SPATA9: variants seen among roughly 807,000 people sequenced by gnomAD.
SPATA9 encodes the protein spermatogenesis-associated protein 9.
Under a neutral mutation model 25.5 loss-of-function variants are expected in SPATA9, and 27 were observed. The observed-to-expected ratio is 1.06, with a 90% CI of 0.78 to 1.46. The LOEUF (loss-of-function observed/expected upper bound fraction) is 1.46. Among genes scored for constraint, SPATA9 ranks in the 40% most tolerant of loss-of-function variants. SPATA9 has a pLI of 0.00. For synonymous variants in SPATA9, 102 were observed against 105.7 expected (o/e 0.97, Z 0.21); for missense variants, 282 against 297.5 (o/e 0.95, Z 0.38).
intron 1 of SPATA9, among the ~76,000 whole-genome samples, chr5:95,691,350 C>T (rs1443686814): frequency 1.3e-5 from 2 of 152,144 alleles, no homozygotes; most frequent in African/African-American, 2.4e-5. Context: ...GTTGTTTTCT[C>T]ATTGATACGA....
chr5:95,713,796 A>G, the SPATA9 span: 1 of 151,962 alleles, frequency 6.6e-6, no homozygotes, highest in African/African-American at 2.4e-5. Context: ...TTCTTCAGTA[A>G]CTAGAAAAGA....
chr5:95,682,434 A>T (rs1001087288), intron 2 of SPATA9, 94 bp downstream of exon 2: 2 of 893,034 alleles, frequency 2.2e-6, no homozygotes, highest in African/African-American at 1.7e-5. Flanking sequence ...AGTTTTGATC[A>T]CTGATCTCAA....
At chr5:95,686,355 T>C (rs929730050), upstream of SPATA9, among the ~76,000 whole-genome samples, 28 of 152,186 alleles carry the variant, frequency 1.8e-4, no homozygotes, top group Non-Finnish European at 1.6e-4. Context: ...TAAAACAATA[T>C]AGTTTATAAC....
At chr5:95,663,143 ATAAAT>A (rs1227831473) in intron 4 of SPATA9, among the ~76,000 whole-genome samples, 1 of 152,230 alleles carries the variant, frequency 6.6e-6, no homozygotes, top group Non-Finnish European at 1.5e-5. Context: ...AGTAGAATGG[ATAAAT>A]AAATGTTGAT....
chr5:95,718,777 G>A, the SPATA9 span, among the ~76,000 whole-genome samples: 4,685 of 152,258 alleles, frequency 0.031, 191 homozygotes, highest in African/African-American at 0.094. Flanking sequence ...GACAAGAGAT[G>A]CAGCATGAAA....
At chr5:95,663,868 G>T in intron 4 of SPATA9, 85 bp downstream of exon 4, 2 of 628,630 alleles carry the variant, frequency 3.2e-6, no homozygotes, top group Non-Finnish European at 2.4e-6. Context: ...ATTAAATATT[G>T]TACAGTATAC....
chr5:95,700,327 T>C (rs1229057484), upstream of SPATA9, among the ~76,000 whole-genome samples: 1 of 151,440 alleles, frequency 6.6e-6, no homozygotes, highest in Non-Finnish European at 1.5e-5. Context: ...TTAGATGGAG[T>C]CTCACTCCAT....
chr5:95,725,153 T>A, the SPATA9 span, among the ~76,000 whole-genome samples: 1 of 152,110 alleles, frequency 6.6e-6, no homozygotes, highest in Non-Finnish European at 1.5e-5. Flanking sequence ...AGCCCACGAG[T>A]GTATCTACAA....
intron 1 of SPATA9, among the ~76,000 whole-genome samples, chr5:95,691,765 T>C (rs1476385707): frequency 6.6e-6 from 1 of 152,214 alleles, no homozygotes; most frequent in African/African-American, 2.4e-5. Flanking sequence ...ATCACCTATG[T>C]TGTTCCTGTT....
chr5:95,670,765 TG>T (rs1293770641), intron 3 of SPATA9: 5 of 814,880 alleles, frequency 6.1e-6, no homozygotes, highest in Non-Finnish European at 7.4e-6. Context: ...TCTGGTACCA[TG>T]GATGCACTCC....
chr5:95,688,727 G>T (rs1166173352), intron 1 of SPATA9, among the ~76,000 whole-genome samples: 1 of 152,146 alleles, frequency 6.6e-6, no homozygotes, highest in East Asian at 1.9e-4. Context: ...AGGTGAGAAG[G>T]TAGAAGGGGG....
At chr5:95,712,089 TAA>T in the SPATA9 span, among the ~76,000 whole-genome samples, 1 of 152,200 alleles carries the variant, frequency 6.6e-6, no homozygotes, top group Non-Finnish European at 1.5e-5. Context: ...CATAAATGAC[TAA>T]GTTTTACAGT....
At chr5:95,709,004 T>A in the SPATA9 span, among the ~76,000 whole-genome samples, 1 of 152,192 alleles carries the variant, frequency 6.6e-6, no homozygotes, top group Non-Finnish European at 1.5e-5. Context: ...CTAGTTGGGC[T>A]CTGTTGGCCT....
chr5:95,656,378 T>C, downstream of SPATA9: 1 of 1,324,690 alleles, frequency 7.5e-7, no homozygotes, highest in Non-Finnish European at 1.0e-6. Context: ...TCTGCTTCAG[T>C]TTTAAAGGTG....
chr5:95,703,582 C>T (rs1055876523), upstream of SPATA9, among the ~76,000 whole-genome samples: 12 of 151,302 alleles, frequency 7.9e-5, no homozygotes, highest in African/African-American at 2.7e-4. Context: ...TGCAGTGGGC[C>T]GAGATTGCAC....
chr5:95,692,120 T>G (rs1753909923), intron 1 of SPATA9, among the ~76,000 whole-genome samples: 1 of 151,996 alleles, frequency 6.6e-6, no homozygotes, highest in South Asian at 2.1e-4. Context: ...GTGAGATTGG[T>G]CTATGGCTTT....
At chr5:95,728,922 G>C in the SPATA9 span, among the ~76,000 whole-genome samples, 96 of 152,296 alleles carry the variant, frequency 6.3e-4, no homozygotes, top group Non-Finnish European at 5.0e-4. Context: ...TAATTATAAT[G>C]CACTAGCATG....
At position 95,682,623 on chromosome 5, in the gene SPATA9, C is replaced by T. The variant is rs980272135; in HGVS notation, c.62-7G>A. The T allele has an allele frequency of 6.2e-7, 1 of 1,603,112 alleles. No homozygotes were observed. The highest frequency in any genetic ancestry group is 8.5e-7 in the Non-Finnish European group (1 of 1,175,972). ...GCTTTCTGGATCCCCTCGACTAAGACAAAAAGAGGTTAGGAAAAAGAAAAC... is the reference window on the plus strand; with the variant it reads ...GCTTTCTGGATCCCCTCGACTAAGATAAAAAGAGGTTAGGAAAAAGAAAAC... On this transcript the variant is annotated splice_region_variant and splice_polypyrimidine_tract_variant and intron_variant, in intron 1 of 4. Transcript: ENST00000274432.
At chr5:95,714,225 G>A in the SPATA9 span, among the ~76,000 whole-genome samples, 11 of 152,112 alleles carry the variant, frequency 7.2e-5, no homozygotes, top group Admixed American at 5.9e-4. Context: ...ATACAGGCTC[G>A]AGGCTCAAGA....
Sources: allele counts gnomAD v4.1 joint callset (sites outside exome capture counted in the v4.1 genomes callset), GRCh38; gene constraint gnomAD v4.1.1; transcripts MANE v1.5; gene names NCBI Gene and HGNC (gene_info 2026-07-23, HGNC 2026-07-21).